The following TIAM1 variants were observed in gnomAD, a reference collection of about 807,000 sequenced individuals.
The protein encoded by TIAM1 is TIAM Rac1 associated GEF 1.
In TIAM1, 65 loss-of-function variants were observed where a neutral mutation model predicts 163.5. That is an observed-to-expected ratio of 0.40 (90% CI 0.33 to 0.49). The LOEUF is 0.49. Ranked by LOEUF, TIAM1 falls within the 20% of genes least tolerant of loss-of-function variation. The pLI is 0.77. For missense variants in TIAM1, 1,789 were observed against 2,044.7 expected (o/e 0.87, Z 2.41); for synonymous variants, 833 against 810.1 (o/e 1.03, Z -0.48).
chr21:31,192,261 CAGA>C (rs1385144100), intron 13 of TIAM1, among the ~76,000 whole-genome samples: 11 of 152,128 alleles, frequency 7.2e-5, no homozygotes, highest in African/African-American at 2.7e-4. Flanking sequence ...GGGGAAGGTG[CAGA>C]AGGAATGTAA....
At chr21:31,183,722 T>C (rs1307565059) in intron 14 of TIAM1, among the ~76,000 whole-genome samples, 2 of 149,440 alleles carry the variant, frequency 1.3e-5, no homozygotes, top group African/African-American at 4.9e-5. Context: ...TGAGACGGAG[T>C]CTCACTCTGT....
intron 10 of TIAM1, among the ~76,000 whole-genome samples, chr21:31,210,609 GGA>G (rs1569031589): frequency 1.7e-3 from 100 of 58,250 alleles, no homozygotes; most frequent in South Asian, 3.2e-3. Flanking sequence ...AAAGAAGGAA[GGA>G]AGGGAGAAAG....
chr21:31,150,485 C>T (rs906793481), intron 19 of TIAM1, among the ~76,000 whole-genome samples: 6 of 152,058 alleles, frequency 3.9e-5, no homozygotes, highest in African/African-American at 9.7e-5. Context: ...AAGGATCAAA[C>T]GACAGCCATT....
chr21:31,152,069 G>A (rs1398854648), intron 19 of TIAM1, among the ~76,000 whole-genome samples: 1 of 92,828 alleles, frequency 1.1e-5, no homozygotes, highest in African/African-American at 4.3e-5. Context: ...CCTCGTTCTT[G>A]TCCCCCAGAC....
In TIAM1 at chr21:31,182,633, C is replaced by T; in HGVS notation, c.2675G>A (p.Gly892Glu). The T allele has an allele frequency of 6.2e-7, 1 of 1,611,362 alleles. No individual in the cohort carries two copies. Among genetic ancestry groups the T allele is most frequent in the Non-Finnish European group, 8.5e-7 (1 of 1,179,108 alleles). ...GLASKKGLKA[G>E]DEILEINNRA... ...ATTATTGATCTCAAGAATCTCATCT[C>T]CTGCTTTCAGGCCTGCCAACGCAAG... The change falls in exon 15 of 28, where the codon GGA (glycine) becomes GAA (glutamate). Residue 892 changes from glycine to glutamate, a missense_variant. Coordinates refer to ENST00000541036, the MANE Select transcript of TIAM1 (RefSeq NM_001353694.2).
chr21:31,444,359 T>C (rs2044540798), intron 2 of TIAM1, among the ~76,000 whole-genome samples: 1 of 151,636 alleles, frequency 6.6e-6, no homozygotes, highest in South Asian at 2.1e-4. Flanking sequence ...AGTAAATTTC[T>C]ACTAAAAGTT....
intron 13 of TIAM1, among the ~76,000 whole-genome samples, chr21:31,194,644 A>G (rs2085760077): frequency 6.6e-6 from 1 of 152,230 alleles, no homozygotes. Flanking sequence ...TAAAACTTTC[A>G]GGAAGCAAGT....
intron 2 of TIAM1, among the ~76,000 whole-genome samples, chr21:31,352,540 A>T (rs2076251765): frequency 7.4e-6 from 1 of 135,372 alleles, no homozygotes; most frequent in Non-Finnish European, 1.6e-5. Flanking sequence ...ACATATATGT[A>T]GCTTTAAAAA....
intron 2 of TIAM1, among the ~76,000 whole-genome samples, chr21:31,460,253 T>G (rs1378361682): frequency 6.6e-6 from 1 of 152,124 alleles, no homozygotes; most frequent in African/African-American, 2.4e-5. Flanking sequence ...TGTCCCTGCC[T>G]TTCTTCTACC....
intron 1 of TIAM1, among the ~76,000 whole-genome samples, chr21:31,551,709 T>C (rs1160860905): frequency 3.9e-5 from 6 of 152,078 alleles, no homozygotes; most frequent in Non-Finnish European, 8.8e-5. Flanking sequence ...CACTACAGTC[T>C]AGGCAGCAGA....
At chr21:31,536,843 G>C (rs1434860371) in intron 1 of TIAM1, among the ~76,000 whole-genome samples, 1 of 152,228 alleles carries the variant, frequency 6.6e-6, no homozygotes, top group Non-Finnish European at 1.5e-5. Context: ...GTTAGGACAA[G>C]ATGGCAGGGA....
intron 2 of TIAM1, among the ~76,000 whole-genome samples, chr21:31,406,735 A>G (rs1202836028): frequency 6.6e-6 from 1 of 152,152 alleles, no homozygotes; most frequent in African/African-American, 2.4e-5. Context: ...ACGAGTCACA[A>G]ATAAAACTCC....
intron 2 of TIAM1, among the ~76,000 whole-genome samples, chr21:31,377,457 C>CA (rs1318676752): frequency 1.3e-5 from 2 of 152,120 alleles, no homozygotes; most frequent in Non-Finnish European, 2.9e-5. Context: ...CTCTAGTCCT[C>CA]AAGGGCTGGA....
chr21:31,553,796 C>T (rs1184081276), intron 1 of TIAM1, among the ~76,000 whole-genome samples: 5 of 152,114 alleles, frequency 3.3e-5, no homozygotes, highest in Non-Finnish European at 1.5e-5. Context: ...ACTATTGTCC[C>T]GATCCCACCT....
chr21:31,141,346 C>T lies in TIAM1; in HGVS notation c.3634G>A (p.Glu1212Lys), dbSNP rs763916500. ...ELFALTDAES[E>K]EHYHLDVAIK... ...CTACCGTCCAGGTGGTAGTGCTCCT[C>T]GCTCTCCGCATCGGTCAGGGCGAAC... Residue 1212 changes from glutamate (E) to lysine (K), a missense_variant, in exon 21 of 28, where the codon GAG (glutamate) becomes AAG (lysine). Glu to Lys is a moderately conservative substitution (Grantham distance 56, BLOSUM62 1). This residue lies in a region of TIAM1 where 60 missense variants were observed against 132.6 expected (regional missense o/e 0.45). Coordinates refer to ENST00000541036, the MANE Select transcript of TIAM1 (RefSeq NM_001353694.2). This position sits in a 1 kb window ranked among gnomAD's most constrained non-coding sequence, Gnocchi z 4.7. 1.9e-6 allele frequency: 3 copies of T among 1,614,020 alleles called. No individual in the cohort carries two copies. The highest frequency in any genetic ancestry group is 2.7e-5 in the African/African-American group (2 of 74,946).
chr21:31,278,087 G>A (rs1455560336), intron 2 of TIAM1, among the ~76,000 whole-genome samples: 1 of 152,006 alleles, frequency 6.6e-6, no homozygotes, highest in East Asian at 1.9e-4. Flanking sequence ...TCAAGAAACA[G>A]AAATGAAAGG....
chr21:31,463,857 G>C (rs2045425552), intron 2 of TIAM1: 12 of 149,264 alleles, frequency 8.0e-5, no homozygotes, highest in Admixed American at 7.4e-4. Context: ...CAAACAGCAG[G>C]CACAGATTTG....
chr21:31,513,517 T>C (rs192332400), intron 1 of TIAM1, among the ~76,000 whole-genome samples: 1 of 152,238 alleles, frequency 6.6e-6, no homozygotes, highest in Admixed American at 6.5e-5. Flanking sequence ...ACCCACAAGC[T>C]CTCACCCTTT....
intron 2 of TIAM1, among the ~76,000 whole-genome samples, chr21:31,429,186 G>A (rs924743721): frequency 7.2e-5 from 11 of 152,002 alleles, no homozygotes; most frequent in African/African-American, 2.7e-4. Context: ...ATTTTTTGTA[G>A]AGACAGGGTT....
Sources: gnomAD v4.1 joint callset for allele counts (sites outside exome capture counted in the v4.1 genomes callset) on GRCh38, gnomAD v4.1.1 for gene constraint, gnomAD v4.1.1 regional missense constraint, Gnocchi (gnomAD v3.1) non-coding constraint, MANE v1.5 for transcripts, NCBI Gene and HGNC (gene_info 2026-07-23, HGNC 2026-07-21) for gene names.